The following KCNH7 variants were observed in gnomAD, a reference collection of about 807,000 sequenced individuals.
KCNH7 encodes the protein potassium voltage-gated channel subfamily H member 7.
In KCNH7, 49 loss-of-function variants were observed where a neutral mutation model predicts 120.8. The ratio of observed to expected loss-of-function variants is 0.41; its 90% CI spans 0.32 to 0.51. The LOEUF (loss-of-function observed/expected upper bound fraction) is 0.51. KCNH7 is among the 20% of genes least tolerant of loss of function. KCNH7 has a pLI of 0.38. For synonymous variants in KCNH7, 547 were observed against 516.1 expected, an observed-to-expected ratio of 1.06 and a Z score of -0.81; for missense variants, 1,097 against 1,446.6, an observed-to-expected ratio of 0.76 and a Z score of 3.92.
At chr2:162,627,240 TGGA>T (rs1683592749) in intron 2 of KCNH7, among the ~76,000 whole-genome samples, 1 of 152,162 alleles carries the variant, frequency 6.6e-6, no homozygotes. Flanking sequence ...CAGCAGCTAT[TGGA>T]GAAGTCTGTG....
intron 2 of KCNH7, among the ~76,000 whole-genome samples, chr2:162,617,905 T>TC (rs1382071140): frequency 6.6e-6 from 1 of 152,116 alleles, no homozygotes; most frequent in African/African-American, 2.4e-5. Context: ...TCTTTAAAGC[T>TC]CTTCCATAAA....
chr2:162,648,266 C>G (rs536603599), intron 2 of KCNH7, among the ~76,000 whole-genome samples: 1 of 152,046 alleles, frequency 6.6e-6, no homozygotes, highest in African/African-American at 2.4e-5. Context: ...AGCACATCTT[C>G]ACATGGTGGG....
chr2:162,435,078 AT>A, intron 8 of KCNH7, 119 bp downstream of exon 8: 1 of 907,064 alleles, frequency 1.1e-6, no homozygotes, highest in Non-Finnish European at 1.6e-6. Context: ...CATATATGTA[AT>A]CCCATTATCT....
At chr2:162,434,645 A>C (rs531465495) in intron 8 of KCNH7, among the ~76,000 whole-genome samples, 3 of 152,032 alleles carry the variant, frequency 2.0e-5, no homozygotes, top group African/African-American at 7.2e-5. Context: ...AGAAATTTTT[A>C]GTCAATGACA....
Position 162,670,489 on chromosome 2 carries a change from A to G in KCNH7, c.308-133409T>C, listed in dbSNP as rs560024726. 5.6e-4 allele frequency among the ~76,000 whole-genome samples: 84 copies of G among 151,190 alleles called. 1 individual carries two copies. Among genetic ancestry groups the G allele is most frequent in the Non-Finnish European group, 9.9e-4 (67 of 67,826 alleles). ...CTCTGTCAAAAAAAAAAAAAAAAAA[A>G]AAAGAAAAATATTGACTGTATAAAC... On this transcript the variant is annotated intron_variant, in intron 2 of 15. Transcript: ENST00000332142.
chr2:162,545,462 A>G (rs1375203581), intron 2 of KCNH7, among the ~76,000 whole-genome samples: 1 of 152,132 alleles, frequency 6.6e-6, no homozygotes, highest in Non-Finnish European at 1.5e-5. Context: ...CAGGTCACCT[A>G]AGGAGAGGGA....
At chr2:162,454,263 A>G (rs990807038) in intron 6 of KCNH7, among the ~76,000 whole-genome samples, 1 of 152,016 alleles carries the variant, frequency 6.6e-6, no homozygotes, top group Non-Finnish European at 1.5e-5. Flanking sequence ...GTTGTTGTAT[A>G]TGTGTGGTGA....
rs964936220 is a variant in KCNH7, at chr2:162,473,268, C to CA, written c.1129-26826dup. Among the ~76,000 whole-genome samples, 10 of 150,740 alleles carry CA rather than the reference C, an allele frequency of 6.6e-5. No individual in the cohort carries two copies. In the South Asian group the frequency reaches 1.9e-3, roughly 29 times the overall value. On this transcript the variant is annotated intron_variant, in intron 6 of 15. Coordinates refer to ENST00000332142, the MANE Select transcript of KCNH7 (RefSeq NM_033272.4). ...AATAAAAAATACTAGAATCATAAAA[C>CA]AAAAAAAGAGAAAAAAAATAAATGC... is the stretch of plus-strand genomic sequence containing the variant.
intron 2 of KCNH7, among the ~76,000 whole-genome samples, chr2:162,592,238 C>T (rs578249895): frequency 1.3e-5 from 2 of 152,120 alleles, no homozygotes; most frequent in African/African-American, 4.8e-5. Context: ...AAAGGTTTCA[C>T]CCACAATCTG....
chr2:162,488,794 C>A (rs1017010718), intron 6 of KCNH7, among the ~76,000 whole-genome samples: 3 of 152,146 alleles, frequency 2.0e-5, no homozygotes, highest in South Asian at 2.1e-4. Context: ...ATTCTTTTTA[C>A]CAACCCATGA....
chr2:162,683,834 G>GA (rs558789143), intron 2 of KCNH7, among the ~76,000 whole-genome samples: 9 of 151,208 alleles, frequency 6.0e-5, no homozygotes, highest in Non-Finnish European at 1.3e-4. Flanking sequence ...TCACAAATTA[G>GA]AAAAAAAATA....
intron 2 of KCNH7, among the ~76,000 whole-genome samples, chr2:162,672,314 C>G (rs1685387876): frequency 6.6e-6 from 1 of 152,020 alleles, no homozygotes; most frequent in Admixed American, 6.6e-5. Context: ...ACCATATTTT[C>G]TGATCACAAT....
chr2:162,424,116 T>C (rs1391843067), intron 8 of KCNH7, among the ~76,000 whole-genome samples: 1 of 152,194 alleles, frequency 6.6e-6, no homozygotes, highest in Non-Finnish European at 1.5e-5. Context: ...TGTTAATTTG[T>C]ATACAGTTTT....
intron 3 of KCNH7, among the ~76,000 whole-genome samples, chr2:162,525,164 A>G (rs1232233811): frequency 6.6e-6 from 1 of 151,970 alleles, no homozygotes; most frequent in Non-Finnish European, 1.5e-5. Context: ...TTCCTAGGGT[A>G]TTAGATACCA....
intron 2 of KCNH7, among the ~76,000 whole-genome samples, chr2:162,619,765 T>TA (rs1276670327): frequency 6.6e-6 from 1 of 152,104 alleles, no homozygotes; most frequent in Admixed American, 6.5e-5. Context: ...CCATAGTGAT[T>TA]AAACGCATCT....
At chr2:162,433,310 T>C (rs1297038366) in intron 8 of KCNH7, among the ~76,000 whole-genome samples, 1 of 151,926 alleles carries the variant, frequency 6.6e-6, no homozygotes, top group African/African-American at 2.4e-5. Flanking sequence ...AAACAGAGCC[T>C]GAATAGTCAA....
intron 2 of KCNH7, among the ~76,000 whole-genome samples, chr2:162,701,414 A>T (rs1229975095): frequency 2.0e-5 from 3 of 152,134 alleles, no homozygotes; most frequent in Non-Finnish European, 4.4e-5. Context: ...CTCATTACAC[A>T]CTTACAGACA....
intron 2 of KCNH7, among the ~76,000 whole-genome samples, chr2:162,650,389 C>T (rs539378009): frequency 3.9e-5 from 6 of 152,104 alleles, no homozygotes; most frequent in South Asian, 2.1e-4. Context: ...AATTCTATAG[C>T]GAATCTTTTA....
In KCNH7 at chr2:162,709,975, T is replaced by A. The variant is rs138260494; in HGVS notation, c.307+126562A>T. 5.9e-4 allele frequency among the ~76,000 whole-genome samples: 90 copies of A among 152,232 alleles called. 1 individual carries two copies. Among genetic ancestry groups the A allele is most frequent in the African/African-American group, 2.1e-3 (89 of 41,556 alleles). ...GATGTTGAAAGGATGAGAGTAGATATTGAAGGGAACCCACCCTTCTGCACA... is the reference window on the plus strand; with the variant it reads ...GATGTTGAAAGGATGAGAGTAGATAATGAAGGGAACCCACCCTTCTGCACA... On this transcript the variant is annotated intron_variant, in intron 2 of 15. Transcript: ENST00000332142.
Sources: gnomAD v4.1 joint callset for allele counts (sites outside exome capture counted in the v4.1 genomes callset) on GRCh38, gnomAD v4.1.1 for gene constraint, MANE v1.5 for transcripts, NCBI Gene and HGNC (gene_info 2026-07-23, HGNC 2026-07-21) for gene names.